The following CEACAM1 variants were observed in gnomAD, a reference collection of about 807,000 sequenced individuals.
The protein encoded by CEACAM1 is cell adhesion molecule CEACAM1.
In CEACAM1, 31 loss-of-function variants were observed where a neutral mutation model predicts 49.1. The ratio of observed to expected loss-of-function variants is 0.63; its 90% confidence interval spans 0.47 to 0.85. The LOEUF (loss-of-function observed/expected upper bound fraction) is 0.85, where lower values mean the gene tolerates loss of function less well. Among genes scored for constraint, CEACAM1 ranks in the 40% least tolerant of loss-of-function variants. The pLI is 0.00. For missense variants in CEACAM1, 570 were observed against 645.3 expected (o/e 0.88, Z 1.26); for synonymous variants, 244 against 247.8 (o/e 0.98, Z 0.14).
intron 2 of CEACAM1, among the ~76,000 whole-genome samples, chr19:42,524,637 C>T (rs147982321): frequency 9.1e-4 from 138 of 152,218 alleles, no homozygotes; most frequent in African/African-American, 3.2e-3. Flanking sequence ...GGACAGTCAA[C>T]CTTGTTAGAC....
chr19:42,521,193 C>A, intron 4 of CEACAM1, 74 bp downstream of exon 4: 1 of 1,550,762 alleles, frequency 6.4e-7, no homozygotes, highest in Non-Finnish European at 8.8e-7. Context: ...AAGAAAATTT[C>A]TTCTCTGCTC....
At chr19:42,514,531 G>C (rs555511143) in intron 5 of CEACAM1, among the ~76,000 whole-genome samples, 2 of 152,126 alleles carry the variant, frequency 1.3e-5, no homozygotes, top group Non-Finnish European at 2.9e-5. Flanking sequence ...CTCCAGCCTC[G>C]GCCTCCCAAA....
intron 5 of CEACAM1, among the ~76,000 whole-genome samples, 196 bp from the exon 6 acceptor site, chr19:42,512,675 T>C (rs2041489083): frequency 6.6e-6 from 1 of 151,378 alleles, no homozygotes; most frequent in Non-Finnish European, 1.5e-5. Flanking sequence ...TGTTTCTTTT[T>C]TTCTTTTCTT....
At chr19:42,511,214 GACTTGTAGCACCC>G (rs1163506936) in intron 7 of CEACAM1, 1 of 573,862 alleles carries the variant, frequency 1.7e-6, no homozygotes, top group African/African-American at 1.9e-5. Flanking sequence ...GGGGCATTGA[GACTTGTAGCACCC>G]ACAGCACCCA....
In CEACAM1 at chr19:42,521,929, A is replaced by G; in HGVS notation, c.698T>C (p.Val233Ala). ...ANRSDPVTLNVTYGPDTPTIS... is the reference protein window; with the variant it reads ...ANRSDPVTLNATYGPDTPTIS... ...GAGGAACAGAAGATACTCACAGGTGACATTCAAGGTGACTGGGTCACTGCG... is the reference window on the plus strand; with the variant it reads ...GAGGAACAGAAGATACTCACAGGTGGCATTCAAGGTGACTGGGTCACTGCG... Residue 233 changes from valine to alanine, a missense_variant, in exon 3 of 9, where the codon GTC becomes GCC. Physicochemically the swap from Val to Ala is moderately conservative, Grantham distance 64. Transcript: ENST00000161559. 3.7e-6 allele frequency: 6 copies of G among 1,614,218 alleles called. No homozygotes were observed. The highest frequency in any genetic ancestry group is 5.1e-6 in the Non-Finnish European group (6 of 1,180,036).
In CEACAM1 at chr19:42,507,886, T is replaced by G. The variant is rs2041370523; in HGVS notation, c.*1223A>C. On this transcript the variant is annotated 3_prime_UTR_variant, in exon 9 of 9. Coordinates refer to ENST00000161559, the MANE Select transcript of CEACAM1 (RefSeq NM_001712.5). Reference sequence around the variant, plus strand: ...GGCCAAGGTTTCCTGACAAAGTGAATGGGGGCAAACAGAAAATGCACAGGT... The same window carrying G: ...GGCCAAGGTTTCCTGACAAAGTGAAGGGGGGCAAACAGAAAATGCACAGGT... 1 of 152,212 alleles carries G rather than the reference T, an allele frequency of 6.6e-6. No homozygotes were observed. Among genetic ancestry groups the G allele is most frequent in the South Asian group, 2.1e-4 (1 of 4,836 alleles). The allele number at this position is 152,212 out of a possible 1,614,324, so 9.4% of individuals were successfully genotyped here. A position where few individuals can be genotyped will look rare whatever the true frequency, so the allele number is the denominator to read the frequency against.
At chr19:42,510,131 G>T (rs1437199291) in intron 8 of CEACAM1, among the ~76,000 whole-genome samples, 1 of 152,116 alleles carries the variant, frequency 6.6e-6, no homozygotes, top group Non-Finnish European at 1.5e-5. Flanking sequence ...TGTCGCCCAG[G>T]CTGGAGCGCA....
intron 8 of CEACAM1, among the ~76,000 whole-genome samples, chr19:42,510,465 A>G (rs2147766599): frequency 6.6e-6 from 1 of 152,390 alleles, no homozygotes; most frequent in South Asian, 2.1e-4. Context: ...CCTTTTGACA[A>G]TAAGAGCAGG....
At chr19:42,517,436 G>GATTA (rs1314454959) in intron 5 of CEACAM1, among the ~76,000 whole-genome samples, 3 of 152,144 alleles carry the variant, frequency 2.0e-5, no homozygotes, top group Non-Finnish European at 1.5e-5. Flanking sequence ...TCTGATAAGG[G>GATTA]ATTAATATCC....
At chr19:42,523,903 T>C (rs898580917) in intron 2 of CEACAM1, among the ~76,000 whole-genome samples, 3 of 152,180 alleles carry the variant, frequency 2.0e-5, no homozygotes, top group East Asian at 3.8e-4. Flanking sequence ...TCATGGGTCC[T>C]GTTAGGAAGA....
chr19:42,511,701 C>T (rs904022939), intron 6 of CEACAM1, 73 bp from the exon 7 acceptor site: 1 of 1,437,526 alleles, frequency 7.0e-7, no homozygotes, highest in Admixed American at 1.7e-5. Flanking sequence ...AGGAAGGACA[C>T]TGTGAGCAGG....
Position 42,522,069 on chromosome 19 carries a change from C to G in CEACAM1, c.558G>C (p.Pro186=). The G allele has an allele frequency of 6.2e-7, 1 of 1,613,084 alleles. No homozygotes were observed. The highest frequency in any genetic ancestry group is 8.5e-7 in the Non-Finnish European group (1 of 1,179,026). ...YLWWINNQSL[P]VSPRLQLSNG... is the part of the protein sequence containing the mutation. ...TGGACAGCTGCAGCCTGGGACTGAC[C>G]GGGAGGCTCTGATTGTTTATCCACC... Residue 186 remains proline (P), a synonymous_variant, in exon 3 of 9, where the codon CCG becomes CCC. Transcript: ENST00000161559.
intron 5 of CEACAM1, chr19:42,518,731 C>A (rs565887836): frequency 2.6e-4 from 145 of 568,596 alleles, no homozygotes; most frequent in Non-Finnish European, 3.6e-4. Context: ...CGATCTCCTG[C>A]CCTCGTGATC....
In CEACAM1 at chr19:42,521,346, A is replaced by G; in HGVS notation, c.879T>C (p.Asn293=). ...ELFIPNITVN[N]SGSYTCHANN... ...TGGCGTGGCAGGTATAGGATCCACT[A>G]TTATTCACAGTGATGTTAGGGATAA... The change falls in exon 4 of 9, where the codon AAT becomes AAC. Residue 293 remains asparagine (N), a synonymous_variant. Coordinates refer to ENST00000161559, the MANE Select transcript of CEACAM1 (RefSeq NM_001712.5). 6.2e-7 allele frequency: 1 copy of G among 1,614,124 alleles called. No individual in the cohort carries two copies. The highest frequency in any genetic ancestry group is 8.5e-7 in the Non-Finnish European group (1 of 1,179,968).
intron 1 of CEACAM1, 68 bp downstream of exon 1, chr19:42,528,243 C>G (rs1476853075): frequency 7.0e-7 from 1 of 1,419,860 alleles, no homozygotes; most frequent in Non-Finnish European, 9.8e-7. Context: ...GCTCCATCCT[C>G]CCCAGAGGAC....
Position 42,526,358 on chromosome 19 carries a change from G to T in CEACAM1, c.424+683C>A, listed in dbSNP as rs144721485. The stretch of plus-strand genomic sequence containing the variant: ...TCCTGTCTCCTCTGTTCCTCCTCCT[G>T]GGGATGGTAAACTTCCTATGGCATC... On this transcript the variant is annotated intron_variant, in intron 2 of 8. Coordinates refer to ENST00000161559, the MANE Select transcript of CEACAM1 (RefSeq NM_001712.5). Among the ~76,000 whole-genome samples, 1,140 of 152,264 alleles carry T rather than the reference G, an allele frequency of 7.5e-3. 6 individuals carry two copies. Among genetic ancestry groups the T allele is most frequent in the Non-Finnish European group, 0.014 (927 of 68,008 alleles).
At chr19:42,515,558 C>T (rs1275063660) in intron 5 of CEACAM1, among the ~76,000 whole-genome samples, 1 of 152,154 alleles carries the variant, frequency 6.6e-6, no homozygotes, top group East Asian at 1.9e-4. Flanking sequence ...TCTGTAGTTT[C>T]AGCTACCCAG....
At chr19:42,520,468 A>G (rs976354328) in intron 4 of CEACAM1, 1 of 152,106 alleles carries the variant, frequency 6.6e-6, no homozygotes, top group African/African-American at 2.4e-5. Flanking sequence ...GGTTCAAGTG[A>G]TTCTTGTGCC....
At chr19:42,511,343 C>T in intron 7 of CEACAM1, 1 of 594,250 alleles carries the variant, frequency 1.7e-6, no homozygotes, top group Non-Finnish European at 3.0e-6. Context: ...ATGGGATCTT[C>T]CTCAGGCCTG....
Sources: gnomAD v4.1 joint callset for allele counts (sites outside exome capture counted in the v4.1 genomes callset) on GRCh38, gnomAD v4.1.1 for gene constraint, MANE v1.5 for transcripts, NCBI Gene and HGNC (gene_info 2026-07-23, HGNC 2026-07-21) for gene names.